The following DLGAP2 variants were observed in gnomAD, a reference collection of about 807,000 sequenced individuals.
The protein encoded by DLGAP2 is disks large-associated protein 2.
Under a neutral mutation model 100.3 loss-of-function variants are expected in DLGAP2, and 26 were observed. The observed-to-expected ratio is 0.26, with a 90% CI of 0.19 to 0.36. The LOEUF (loss-of-function observed/expected upper bound fraction) is 0.36. Ranked by LOEUF, DLGAP2 falls within the 10% of genes least tolerant of loss-of-function variation. The pLI is 1.00. For synonymous variants in DLGAP2, 886 were observed against 630.1 expected, an observed-to-expected ratio of 1.41 and a Z score of -6.08; for missense variants, 1,858 against 1,453.2, an observed-to-expected ratio of 1.28 and a Z score of -4.53.
At chr8:1,100,980 C>T (rs1302824347) in intron 2 of DLGAP2, among the ~76,000 whole-genome samples, 4 of 152,210 alleles carry the variant, frequency 2.6e-5, no homozygotes, top group East Asian at 3.8e-4. Context: ...CCCGCATCAC[C>T]TGCAGTGATT....
intron 2 of DLGAP2, chr8:1,003,272 GCATCCCATCCCCCGCTA>G (rs1408034475): frequency 2.0e-5 from 3 of 152,218 alleles, no homozygotes; most frequent in African/African-American, 7.2e-5. Context: ...CTTCACTCCT[GCATCCCATCCCCCGCTA>G]TGGCCTCACT....
At chr8:1,519,808 T>C (rs952961964) in intron 4 of DLGAP2, among the ~76,000 whole-genome samples, 19 of 152,270 alleles carry the variant, frequency 1.2e-4, no homozygotes, top group Non-Finnish European at 2.6e-4. Flanking sequence ...CAGTGGGTTT[T>C]GTGCTCAGCA....
At chr8:787,567 GCCTT>G (rs1200752497) in intron 1 of DLGAP2, among the ~76,000 whole-genome samples, 3 of 152,236 alleles carry the variant, frequency 2.0e-5, no homozygotes, top group African/African-American at 7.2e-5. Flanking sequence ...CTCCCCTGCA[GCCTT>G]ACTTGGTGAG....
At chr8:1,189,658 G>C (rs1262241340) in intron 2 of DLGAP2, among the ~76,000 whole-genome samples, 2 of 152,232 alleles carry the variant, frequency 1.3e-5, no homozygotes, top group African/African-American at 4.8e-5. Context: ...CTGGAAACGG[G>C]ATGGATCAAT....
chr8:1,576,776 G>T (rs1357606467), intron 6 of DLGAP2, among the ~76,000 whole-genome samples: 1 of 152,152 alleles, frequency 6.6e-6, no homozygotes, highest in African/African-American at 2.4e-5. Context: ...GATGGTTGTA[G>T]ATGTGTGGTA....
At chr8:1,006,280 T>C (rs1452914607) in intron 2 of DLGAP2, among the ~76,000 whole-genome samples, 1 of 152,198 alleles carries the variant, frequency 6.6e-6, no homozygotes, top group Non-Finnish European at 1.5e-5. Flanking sequence ...GATTGTGCCT[T>C]TATCACATCG....
At chr8:1,485,247 T>A (rs1013137289) in intron 3 of DLGAP2, among the ~76,000 whole-genome samples, 1 of 152,236 alleles carries the variant, frequency 6.6e-6, no homozygotes, top group African/African-American at 2.4e-5. Context: ...TAATTTTGAT[T>A]AGGTTGATTA....
chr8:778,807 C>G (rs1344639036), intron 1 of DLGAP2, among the ~76,000 whole-genome samples: 1 of 152,248 alleles, frequency 6.6e-6, no homozygotes, highest in African/African-American at 2.4e-5. Context: ...TGTTTGTGCC[C>G]TGCCCCCAGA....
intron 3 of DLGAP2, among the ~76,000 whole-genome samples, chr8:1,332,633 G>A (rs552064068): frequency 3.7e-4 from 57 of 152,154 alleles, no homozygotes; most frequent in Non-Finnish European, 7.3e-4. Context: ...CAGGTCACAC[G>A]TCTAAGTGAC....
chr8:798,981 G>A (rs1300243342), intron 1 of DLGAP2, among the ~76,000 whole-genome samples: 1 of 152,242 alleles, frequency 6.6e-6, no homozygotes, highest in Non-Finnish European at 1.5e-5. Context: ...GAGTGTTTTT[G>A]TGTGTGTGCA....
At position 1,548,871 on chromosome 8, in the gene DLGAP2, T is replaced by G; in HGVS notation, c.418T>G (p.Ser140Ala). ...GCGCCACCGCTGCTCGCCGCGCAGC[T>G]CGGTGCACTCGGAGTGCGTGATGAT... ...GGRHRCSPRSSVHSECVMMPV... is the reference protein window; with the variant it reads ...GGRHRCSPRSAVHSECVMMPV... Residue 140 changes from serine (S) to alanine (A), a missense_variant, in exon 5 of 15, where the codon TCG becomes GCG. Ser to Ala is a moderately conservative substitution (Grantham distance 99). Transcript: ENST00000637795. 2 of 1,592,342 alleles carry G rather than the reference T, an allele frequency of 1.3e-6. No homozygotes were observed. The highest frequency in any genetic ancestry group is 1.7e-6 in the Non-Finnish European group (2 of 1,175,430).
intron 3 of DLGAP2, among the ~76,000 whole-genome samples, chr8:1,431,438 T>C (rs1797434305): frequency 1.3e-5 from 2 of 152,240 alleles, no homozygotes; most frequent in African/African-American, 2.4e-5. Flanking sequence ...TTCCGTTGGC[T>C]GACCAGGTAG....
At chr8:977,911 C>G (rs77415544) in intron 2 of DLGAP2, among the ~76,000 whole-genome samples, 230 of 18,896 alleles carry the variant, frequency 0.012, 25 homozygotes, top group Admixed American at 0.026. Flanking sequence ...TGAGGGGCTG[C>G]GTTCTGGTCT....
chr8:1,026,642 G>C (rs1384486462), intron 2 of DLGAP2, among the ~76,000 whole-genome samples: 5 of 152,198 alleles, frequency 3.3e-5, no homozygotes, highest in African/African-American at 4.8e-5. Flanking sequence ...ATGACAAGAA[G>C]TTATATTACT....
At chr8:1,069,616 G>T (rs557842924) in intron 2 of DLGAP2, among the ~76,000 whole-genome samples, 6 of 152,208 alleles carry the variant, frequency 3.9e-5, no homozygotes, top group African/African-American at 1.4e-4. Flanking sequence ...CAGATGTCTT[G>T]TCTTTTGCTT....
intron 3 of DLGAP2, among the ~76,000 whole-genome samples, chr8:1,303,751 G>T (rs141373993): frequency 6.6e-6 from 1 of 152,054 alleles, no homozygotes; most frequent in African/African-American, 2.4e-5. Flanking sequence ...GGTCTCTGGG[G>T]TTTTGCTTCT....
chr8:974,225 C>G (rs183682805), intron 2 of DLGAP2, among the ~76,000 whole-genome samples: 1 of 152,038 alleles, frequency 6.6e-6, no homozygotes, highest in South Asian at 2.1e-4. Context: ...CATATTCAAA[C>G]TATAGAAAAT....
chr8:1,234,047 G>C (rs1475397685), intron 2 of DLGAP2, among the ~76,000 whole-genome samples: 1 of 152,304 alleles, frequency 6.6e-6, no homozygotes, highest in East Asian at 1.9e-4. Flanking sequence ...AAAGGCCCAG[G>C]TGAATACCTA....
intron 1 of DLGAP2, among the ~76,000 whole-genome samples, chr8:875,746 C>G (rs1797677715): frequency 6.6e-6 from 1 of 152,106 alleles, no homozygotes; most frequent in African/African-American, 2.4e-5. Flanking sequence ...TGAATATTTT[C>G]CACTGTAGCA....
Sources: allele counts gnomAD v4.1 joint callset (sites outside exome capture counted in the v4.1 genomes callset), GRCh38; gene constraint gnomAD v4.1.1; transcripts MANE v1.5; gene names NCBI Gene and HGNC (gene_info 2026-07-23, HGNC 2026-07-21).